Variants in NAALADL2 observed in about 807,000 individuals in gnomAD.
NAALADL2 encodes the protein inactive N-acetylated-alpha-linked acidic dipeptidase-like protein 2.
Under a neutral mutation model 87.2 loss-of-function variants are expected in NAALADL2, and 76 were observed. That is an observed-to-expected ratio of 0.87 (90% CI 0.72 to 1.05). The LOEUF is 1.05. Ranked by LOEUF, NAALADL2 falls within the 50% of genes least tolerant of loss-of-function variation. NAALADL2 has a pLI of 0.00. For missense variants in NAALADL2, 1,089 were observed against 945.8 expected, an observed-to-expected ratio of 1.15 and a Z score of -1.99; for synonymous variants, 354 against 331.0, an observed-to-expected ratio of 1.07 and a Z score of -0.75.
chr3:174,491,562 T>G (rs1490599226), intron 1 of NAALADL2, among the ~76,000 whole-genome samples: 1 of 152,182 alleles, frequency 6.6e-6, no homozygotes, highest in African/African-American at 2.4e-5. Flanking sequence ...TTAATTCAAT[T>G]TAGTATATAG....
In NAALADL2 at chr3:175,434,141, G is replaced by A. The variant is rs1370478401; in HGVS notation, c.1091-13088G>A. On this transcript the variant is annotated intron_variant, in intron 5 of 13. Transcript: ENST00000454872. Reference sequence around the variant, plus strand: ...TTTACACTATCCATTTCAAACATGAGGGGCATTTCTGTAATAATAGTAAGA... The same window carrying A: ...TTTACACTATCCATTTCAAACATGAAGGGCATTTCTGTAATAATAGTAAGA... 2.6e-5 allele frequency among the ~76,000 whole-genome samples: 4 copies of A among 152,052 alleles called. No individual in the cohort carries two copies. The East Asian group carries it at 7.7e-4, about 29-fold the overall frequency.
chr3:174,928,486 C>T (rs571736573), intron 1 of NAALADL2, among the ~76,000 whole-genome samples: 74 of 152,238 alleles, frequency 4.9e-4, no homozygotes, highest in Middle Eastern at 3.4e-3. Flanking sequence ...TGGATTCACC[C>T]GCCTCGGCCT....
intron 13 of NAALADL2, among the ~76,000 whole-genome samples, chr3:175,759,388 C>T (rs1323852615): frequency 2.0e-5 from 3 of 147,376 alleles, no homozygotes; most frequent in African/African-American, 5.0e-5. Context: ...GATGGAGTCT[C>T]GCTCTGTCGC....
At chr3:174,970,701 C>T (rs1037486257) in intron 1 of NAALADL2, among the ~76,000 whole-genome samples, 1 of 152,022 alleles carries the variant, frequency 6.6e-6, no homozygotes, top group African/African-American at 2.4e-5. Flanking sequence ...CTCTATTTTC[C>T]GTTGCTAATG....
intron 5 of NAALADL2, among the ~76,000 whole-genome samples, chr3:175,354,295 C>T (rs996426224): frequency 1.3e-5 from 2 of 152,082 alleles, no homozygotes; most frequent in Admixed American, 1.3e-4. Flanking sequence ...TACTCTTGAA[C>T]AGACTAAAGG....
At chr3:175,660,514 A>G (rs745719936) in intron 11 of NAALADL2, among the ~76,000 whole-genome samples, 1 of 152,132 alleles carries the variant, frequency 6.6e-6, no homozygotes, top group Non-Finnish European at 1.5e-5. Flanking sequence ...TGTTTGGAAC[A>G]TTACATTTCT....
intron 2 of NAALADL2, among the ~76,000 whole-genome samples, chr3:174,581,560 A>G (rs943611651): frequency 6.6e-6 from 1 of 152,208 alleles, no homozygotes; most frequent in African/African-American, 2.4e-5. Context: ...GAGATCAGAG[A>G]GAAAGGAGAA....
At chr3:174,849,813 C>T (rs1725044806) in intron 3 of NAALADL2, among the ~76,000 whole-genome samples, 1 of 148,554 alleles carries the variant, frequency 6.7e-6, no homozygotes, top group South Asian at 2.2e-4. Context: ...TCATCATTAT[C>T]ATTGTCTGCC....
intron 11 of NAALADL2, among the ~76,000 whole-genome samples, chr3:175,716,420 G>A (rs1013682107): frequency 4.0e-5 from 6 of 150,708 alleles, no homozygotes; most frequent in Admixed American, 6.6e-5. Context: ...CTAAAAAGCC[G>A]ACTGCTCTAA....
chr3:174,777,789 T>C (rs1051495885), intron 3 of NAALADL2, among the ~76,000 whole-genome samples: 3 of 152,116 alleles, frequency 2.0e-5, no homozygotes, highest in South Asian at 4.1e-4. Context: ...CTACTGTTTC[T>C]ACTGAACCTC....
intron 1 of NAALADL2, among the ~76,000 whole-genome samples, chr3:174,864,502 A>C (rs145066516): frequency 7.2e-5 from 11 of 152,164 alleles, no homozygotes; most frequent in African/African-American, 2.6e-4. Context: ...AATTGTTTCA[A>C]AGGGAAACAT....
chr3:174,450,371 TAGGG>T (rs1375993755), intron 1 of NAALADL2, among the ~76,000 whole-genome samples: 19 of 151,898 alleles, frequency 1.3e-4, no homozygotes, highest in African/African-American at 4.3e-4. Flanking sequence ...CATGGGAAAA[TAGGG>T]AGGCGCAAGG....
chr3:175,227,958 T>G lies in NAALADL2; in HGVS notation c.546-5973T>G, dbSNP rs180889132. On this transcript the variant is annotated intron_variant, in intron 2 of 13. Coordinates refer to ENST00000454872, the MANE Select transcript of NAALADL2 (RefSeq NM_207015.3). ...TCTTAGGAAGACTACAATTTAAGAG[T>G]TATTTTTAAACTTATGATTAACTAT... Among the ~76,000 whole-genome samples, 1,390 of 152,034 alleles carry G rather than the reference T, an allele frequency of 9.1e-3. 30 individuals are homozygous for G. Among genetic ancestry groups the G allele is most frequent in the African/African-American group, 0.032 (1,344 of 41,534 alleles).
At chr3:175,304,126 A>G (rs1757415256) in intron 4 of NAALADL2, among the ~76,000 whole-genome samples, 1 of 152,204 alleles carries the variant, frequency 6.6e-6, no homozygotes, top group South Asian at 2.1e-4. Flanking sequence ...GAATTCAAGA[A>G]TGAAAAAGTA....
chr3:174,787,613 A>ATATATG (rs1716952260), intron 3 of NAALADL2, among the ~76,000 whole-genome samples: 1 of 115,554 alleles, frequency 8.7e-6, no homozygotes, highest in Non-Finnish European at 1.9e-5. Flanking sequence ...ATATATATAT[A>ATATATG]TATATATAGT....
chr3:175,737,989 C>A (rs1744743917), intron 12 of NAALADL2, among the ~76,000 whole-genome samples: 1 of 152,012 alleles, frequency 6.6e-6, no homozygotes, highest in South Asian at 2.1e-4. Context: ...ATTTCCCCTT[C>A]ATCTACATAC....
chr3:174,703,029 A>C (rs1334744599), intron 2 of NAALADL2, among the ~76,000 whole-genome samples: 1 of 152,208 alleles, frequency 6.6e-6, no homozygotes, highest in East Asian at 1.9e-4. Flanking sequence ...TAAAATAGAA[A>C]ATATTAAAAG....
chr3:175,011,289 A>G (rs1383087973), intron 1 of NAALADL2, among the ~76,000 whole-genome samples: 25 of 142,478 alleles, frequency 1.8e-4, no homozygotes, highest in Middle Eastern at 3.8e-3. Flanking sequence ...ACAGAGAGAG[A>G]GAGAGAGAGA....
chr3:175,342,929 C>T (rs1412376169), intron 5 of NAALADL2, among the ~76,000 whole-genome samples: 6 of 151,926 alleles, frequency 3.9e-5, no homozygotes, highest in Non-Finnish European at 8.8e-5. Context: ...TTACATGTGT[C>T]GCTTTAGTGT....
Sources: gnomAD v4.1 joint callset for allele counts (sites outside exome capture counted in the v4.1 genomes callset) on GRCh38, gnomAD v4.1.1 for gene constraint, MANE v1.5 for transcripts, NCBI Gene and HGNC (gene_info 2026-07-23, HGNC 2026-07-21) for gene names.